ZNF571: variants seen among roughly 807,000 people sequenced by gnomAD.
ZNF571 encodes the protein zinc finger protein 571.
ZNF571 carries 4 observed loss-of-function variants against 7.7 expected under a neutral mutation model. The ratio of observed to expected loss-of-function variants is 0.52; its 90% CI spans 0.25 to 1.18. ZNF571 has a LOEUF of 1.18. Among genes scored for constraint, ZNF571 ranks in the 50% most tolerant of loss-of-function variants. The pLI is 0.14. For missense variants in ZNF571, 704 were observed against 726.9 expected (o/e 0.97, Z 0.36); for synonymous variants, 251 against 232.4 (o/e 1.08, Z -0.73).
intron 1 of ZNF571, among the ~76,000 whole-genome samples, chr19:37,589,200 CAA>C (rs35689698): frequency 2.8e-5 from 3 of 108,904 alleles, no homozygotes; most frequent in African/African-American, 3.7e-5. Context: ...AACTCCGTCT[CAA>C]AAAAAAAAAA....
chr19:37,584,988 G>C (rs1173002707), intron 2 of ZNF571: 1 of 150,122 alleles, frequency 6.7e-6, no homozygotes, highest in Non-Finnish European at 1.5e-5. Context: ...AAAGGAATTA[G>C]ACAAATTCTC....
In ZNF571 at chr19:37,565,518, C is replaced by A. The variant is rs768611594; in HGVS notation, c.910G>T (p.Glu304Ter). Residue 304 changes from glutamate (E) to a stop codon, truncating the protein, a stop_gained, in exon 4 of 4, where the codon GAG becomes TAG. Transcript: ENST00000451802. LOFTEE classifies it low-confidence loss of function (END_TRUNC). ...LTYHQRIHSG[E>*]KPYECKECGK... ...CATTCCTTACACTCATAAGGTTTCT[C>A]ACCACTATGAATTCTCTGATGGTAA... 6 of 1,613,662 alleles carry A rather than the reference C, an allele frequency of 3.7e-6. No homozygotes were observed. Among genetic ancestry groups the A allele is most frequent in the Admixed American group, 3.3e-5 (2 of 59,958 alleles).
intron 3 of ZNF571, among the ~76,000 whole-genome samples, chr19:37,568,563 A>G (rs898500547): frequency 6.6e-5 from 10 of 152,174 alleles, no homozygotes; most frequent in African/African-American, 2.4e-4. Flanking sequence ...ATGGGAAGAA[A>G]TATTAATCTA....
chr19:37,568,722 G>T (rs930052692), intron 3 of ZNF571, among the ~76,000 whole-genome samples: 2 of 152,116 alleles, frequency 1.3e-5, no homozygotes, highest in Non-Finnish European at 2.9e-5. Flanking sequence ...ATTCAATTAA[G>T]TAGCAGCTCT....
chr19:37,569,535 G>C lies in ZNF571; in HGVS notation c.137-3244C>G, dbSNP rs1478585305. ...ACAAGGATGTCATAAAATTATCTTT[G>C]CTATATGTATTATATATTCATATTT... On this transcript the variant is annotated intron_variant, in intron 3 of 3. Transcript: ENST00000451802. The surrounding 1 kb of genome is among the most constrained non-coding windows in gnomAD (Gnocchi z 4.4). Among the ~76,000 whole-genome samples the C allele has an allele frequency of 1.3e-5, 2 of 152,080 alleles. No individual in the cohort carries two copies. Among genetic ancestry groups the C allele is most frequent in the Non-Finnish European group, 2.9e-5 (2 of 68,030 alleles).
intron 1 of ZNF571, among the ~76,000 whole-genome samples, chr19:37,593,708 GCAAA>G (rs376323723): frequency 1.5e-4 from 23 of 152,190 alleles, no homozygotes; most frequent in Non-Finnish European, 2.6e-4. Flanking sequence ...GTCTCAAAAA[GCAAA>G]CAAACAAACA....
At chr19:37,593,618 G>C (rs938208943) in intron 1 of ZNF571, among the ~76,000 whole-genome samples, 1 of 152,120 alleles carries the variant, frequency 6.6e-6, no homozygotes, top group African/African-American at 2.4e-5. Flanking sequence ...CAGGAGAATG[G>C]CGTGAACCCG....
rs1398600250 is a variant in ZNF571 at position 37,569,025 on chromosome 19, CAGCTCACTGCA to C, written c.137-2745_137-2735del. 6.6e-6 allele frequency among the ~76,000 whole-genome samples: 1 copy of C among 151,962 alleles called. No individual in the cohort carries two copies. The highest frequency in any genetic ancestry group is 1.5e-5 in the Non-Finnish European group (1 of 67,974). ...AGGCTGGAGTGCAGTCGTGCCATCT[CAGCTCACTGCA>C]ACCTCCGCCTCCAGGTTCAAGCAAT... is the stretch of plus-strand genomic sequence containing the variant. On this transcript the variant is annotated intron_variant, in intron 3 of 3. Transcript: ENST00000451802. This position sits in a 1 kb window ranked among gnomAD's most constrained non-coding sequence, Gnocchi z 4.4.
chr19:37,588,049 A>C (rs2043737629), intron 1 of ZNF571, among the ~76,000 whole-genome samples: 1 of 131,998 alleles, frequency 7.6e-6, no homozygotes, highest in Non-Finnish European at 1.5e-5. Flanking sequence ...GCAGTGACCC[A>C]AGATTGCGCC....
chr19:37,574,053 T>C (rs886077007), intron 3 of ZNF571, among the ~76,000 whole-genome samples: 3 of 152,192 alleles, frequency 2.0e-5, no homozygotes, highest in African/African-American at 4.8e-5. Flanking sequence ...CTGAAACATA[T>C]ACTTTTTCTA....
At chr19:37,571,792 C>T (rs2043062864) in intron 3 of ZNF571, among the ~76,000 whole-genome samples, 1 of 152,190 alleles carries the variant, frequency 6.6e-6, no homozygotes, top group Admixed American at 6.5e-5. Context: ...TAAGTATGGG[C>T]TAGCCTAACT....
At position 37,565,843 on chromosome 19, in the gene ZNF571, A is replaced by T; in HGVS notation, c.585T>A (p.Tyr195Ter). 1 of 1,613,906 alleles carries T rather than the reference A, an allele frequency of 6.2e-7. No individual in the cohort carries two copies. Among genetic ancestry groups the T allele is most frequent in the Non-Finnish European group, 8.5e-7 (1 of 1,179,856 alleles). Residue 195 changes from tyrosine to a stop codon, truncating the protein, a stop_gained, in exon 4 of 4, where the codon TAT becomes TAA. Transcript: ENST00000451802. LOFTEE classifies it low-confidence loss of function (END_TRUNC). ...AGGCCTTTCCACATTCCATACACTC[A>T]TAAGGTTTCTCACCAGTCTGAATTC... is the stretch of plus-strand genomic sequence containing the variant. ...HQRIQTGEKP[Y>*]ECMECGKAFG...
intron 1 of ZNF571, among the ~76,000 whole-genome samples, chr19:37,587,605 T>C (rs1448012479): frequency 6.6e-6 from 1 of 152,082 alleles, no homozygotes; most frequent in Non-Finnish European, 1.5e-5. Context: ...TTTTTTTTTT[T>C]TGGTAGCATT....
rs192029722 is a variant in ZNF571 at position 37,570,426 on chromosome 19, T to C, written c.137-4135A>G. ...CCTCCACCTCGCTTCACCTAACCTC[T>C]CCCAAGATAGACATAATTATAGCAA... is the stretch of plus-strand genomic sequence containing the variant. On this transcript the variant is annotated intron_variant, in intron 3 of 3. Transcript: ENST00000451802. 1.1e-3 allele frequency among the ~76,000 whole-genome samples: 162 copies of C among 152,118 alleles called. 3 individuals carry two copies. The highest frequency in any genetic ancestry group is 3.8e-3 in the African/African-American group (156 of 41,490).
At chr19:37,573,668 CAAAAAA>C (rs55763844) in intron 3 of ZNF571, among the ~76,000 whole-genome samples, 3 of 88,136 alleles carry the variant, frequency 3.4e-5, no homozygotes, top group African/African-American at 1.6e-4. Flanking sequence ...CTTGTGTCTA[CAAAAAA>C]AAAAAAAAAA....
chr19:37,594,253 G>A (rs1015808406), intron 1 of ZNF571: 1 of 152,232 alleles, frequency 6.6e-6, no homozygotes, highest in African/African-American at 2.4e-5. Context: ...GTAACCGCAC[G>A]ATTCTCAGCT....
chr19:37,592,354 G>A (rs978319965), intron 1 of ZNF571, among the ~76,000 whole-genome samples: 1 of 152,110 alleles, frequency 6.6e-6, no homozygotes, highest in Non-Finnish European at 1.5e-5. Context: ...CATATCCCTA[G>A]GAACCTTTTT....
intron 3 of ZNF571, among the ~76,000 whole-genome samples, chr19:37,577,443 TAGG>T (rs1354751266): frequency 1.3e-5 from 2 of 152,104 alleles, no homozygotes; most frequent in Non-Finnish European, 2.9e-5. Flanking sequence ...ACATAAAGTA[TAGG>T]AGAAGGGAAT....
At chr19:37,572,006 A>ATGTACTAAT in intron 3 of ZNF571, among the ~76,000 whole-genome samples, 1 of 150,912 alleles carries the variant, frequency 6.6e-6, no homozygotes, top group Admixed American at 6.6e-5. Context: ...CAAATAGACT[A>ATGTACTAAT]TATGGCCATA....
Sources: allele counts gnomAD v4.1 joint callset (sites outside exome capture counted in the v4.1 genomes callset), GRCh38; gene constraint gnomAD v4.1.1; non-coding constraint Gnocchi (gnomAD v3.1); transcripts MANE v1.5; gene names NCBI Gene and HGNC (gene_info 2026-07-23, HGNC 2026-07-21).